The following KAZN variants were observed in gnomAD, a reference collection of about 807,000 sequenced individuals.
KAZN encodes kazrin, periplakin interacting protein.
A neutral mutation model predicts 87.4 loss-of-function variants in KAZN; 40 were observed. The observed-to-expected ratio is 0.46, with a 90% confidence interval of 0.36 to 0.60. The LOEUF is 0.60. Among genes scored for constraint, KAZN ranks in the 20% least tolerant of loss-of-function variants. KAZN has a pLI of 0.00. For missense variants in KAZN, 898 were observed against 1,073.9 expected (o/e 0.84, Z 2.29); for synonymous variants, 466 against 458.3 (o/e 1.02, Z -0.22).
At chr1:14,899,910 A>G (rs757507015) in intron 1 of KAZN, among the ~76,000 whole-genome samples, 22 of 152,346 alleles carry the variant, frequency 1.4e-4, no homozygotes, top group African/African-American at 4.8e-4. Flanking sequence ...TCCTCTGCCA[A>G]TGAAAGCTGG....
At chr1:14,801,262 G>A (rs181183460) in intron 1 of KAZN, among the ~76,000 whole-genome samples, 5 of 152,122 alleles carry the variant, frequency 3.3e-5, no homozygotes, top group South Asian at 2.1e-4. Flanking sequence ...CAAGCTCCTC[G>A]GGGAAATGTG....
chr1:14,381,644 C>T (rs1363292691), intron 2 of KAZN, among the ~76,000 whole-genome samples: 1 of 152,000 alleles, frequency 6.6e-6, no homozygotes, highest in Non-Finnish European at 1.5e-5. Context: ...GATAAAAACC[C>T]TCAAAAAACT....
intron 1 of KAZN, among the ~76,000 whole-genome samples, chr1:14,172,492 T>C (rs1480957645): frequency 2.6e-5 from 4 of 152,256 alleles, no homozygotes; most frequent in African/African-American, 9.6e-5. Context: ...CAAAAAAATA[T>C]ACTATTGGTG....
Position 14,478,278 on chromosome 1 carries a change from G to GAAGGA in KAZN, c.250-120703_250-120699dup, listed in dbSNP as rs1553178157. On this transcript the variant is annotated intron_variant, in intron 2 of 16. Coordinates refer to the KAZN transcript ENST00000636203. ...GGAAGGAAGGAAGGAAGGAAGAAAGGAAGGAAGGAAGGGTGGATGGGAGGA... is the reference window on the plus strand; with the variant it reads ...GGAAGGAAGGAAGGAAGGAAGAAAGGAAGGAAAGGAAGGAAGGGTGGATGGGAGGA... Among the ~76,000 whole-genome samples the GAAGGA allele has an allele frequency of 3.6e-3, 535 of 148,750 alleles. 5 individuals are homozygous for GAAGGA. The highest frequency in any genetic ancestry group is 0.013 in the African/African-American group (509 of 39,458).
At chr1:14,169,180 A>G (rs1405107527) in intron 1 of KAZN, among the ~76,000 whole-genome samples, 1 of 152,166 alleles carries the variant, frequency 6.6e-6, no homozygotes, top group Non-Finnish European at 1.5e-5. Flanking sequence ...GGGTCAGGGC[A>G]GGAGACGGCT....
At chr1:14,233,459 GC>G (rs1476495331) in intron 2 of KAZN, among the ~76,000 whole-genome samples, 5 of 152,156 alleles carry the variant, frequency 3.3e-5, no homozygotes, top group Non-Finnish European at 7.3e-5. Flanking sequence ...TATATTGATT[GC>G]TTGGAAGATT....
At chr1:14,182,854 A>C (rs371588551) in intron 2 of KAZN, among the ~76,000 whole-genome samples, 15 of 152,122 alleles carry the variant, frequency 9.9e-5, no homozygotes, top group African/African-American at 3.6e-4. Flanking sequence ...TGTAGATATA[A>C]CTTATCTGAA....
chr1:14,111,749 T>C (rs989737709), intron 1 of KAZN, among the ~76,000 whole-genome samples: 2 of 137,316 alleles, frequency 1.5e-5, no homozygotes, highest in Admixed American at 1.4e-4. Context: ...TCTTTTTTTT[T>C]TTTTTTTTGA....
chr1:14,186,828 C>G (rs954368172), intron 2 of KAZN, among the ~76,000 whole-genome samples: 1 of 152,158 alleles, frequency 6.6e-6, no homozygotes, highest in Non-Finnish European at 1.5e-5. Context: ...TGGCACTGCT[C>G]TAAGTTCTAG....
chr1:14,352,944 G>GA (rs1390926839), intron 2 of KAZN, among the ~76,000 whole-genome samples: 8 of 152,124 alleles, frequency 5.3e-5, no homozygotes, highest in Non-Finnish European at 1.0e-4. Context: ...ACTAGATGAA[G>GA]AAAAGGCATT....
At chr1:14,875,517 A>G (rs541199255) in intron 1 of KAZN, among the ~76,000 whole-genome samples, 126 of 151,210 alleles carry the variant, frequency 8.3e-4, no homozygotes, top group Middle Eastern at 3.4e-3. Flanking sequence ...AAAAAAAACT[A>G]TTTTCAATGA....
At chr1:14,581,219 T>C (rs1162643239) in intron 2 of KAZN, among the ~76,000 whole-genome samples, 2 of 152,180 alleles carry the variant, frequency 1.3e-5, no homozygotes, top group African/African-American at 4.8e-5. Flanking sequence ...GCATACACTC[T>C]ATCCCCAAAC....
At chr1:14,384,508 G>C (rs1429313030) in intron 2 of KAZN, among the ~76,000 whole-genome samples, 4 of 152,138 alleles carry the variant, frequency 2.6e-5, no homozygotes, top group African/African-American at 9.7e-5. Context: ...CTAATTTATT[G>C]AGAGTTTTTA....
intron 1 of KAZN, among the ~76,000 whole-genome samples, chr1:13,930,403 T>A (rs1176768359): frequency 1.3e-5 from 2 of 152,200 alleles, no homozygotes; most frequent in African/African-American, 4.8e-5. Flanking sequence ...AATAAGTGCT[T>A]CCTATAAGCC....
intron 2 of KAZN, among the ~76,000 whole-genome samples, chr1:14,398,625 G>A (rs1224577026): frequency 6.6e-6 from 1 of 152,150 alleles, no homozygotes; most frequent in Non-Finnish European, 1.5e-5. Flanking sequence ...AGCAGGAGAT[G>A]GGCTCACTTT....
intron 2 of KAZN, among the ~76,000 whole-genome samples, chr1:14,302,849 G>A (rs1654648179): frequency 6.6e-6 from 1 of 152,116 alleles, no homozygotes; most frequent in African/African-American, 2.4e-5. Context: ...GCCTTGTTTT[G>A]TTTAAGGTTG....
chr1:14,963,021 G>A (rs1664067619), intron 2 of KAZN, among the ~76,000 whole-genome samples: 1 of 150,794 alleles, frequency 6.6e-6, no homozygotes, highest in Non-Finnish European at 1.5e-5. Flanking sequence ...ATGAAACGAG[G>A]TAATGTCTGG....
In KAZN at chr1:14,884,967, G is replaced by A. The variant is rs368723566; in HGVS notation, c.227-75717G>A. Among the ~76,000 whole-genome samples, 119 of 152,310 alleles carry A rather than the reference G, an allele frequency of 7.8e-4. 4 individuals carry two copies. The South Asian group carries it at 0.023, about 30-fold the overall frequency. ...GACCCTGGCAGAGATCGAGCATCACGGAACACGTATCGTAATGCTGTGCTC... is the reference window on the plus strand; with the variant it reads ...GACCCTGGCAGAGATCGAGCATCACAGAACACGTATCGTAATGCTGTGCTC... On this transcript the variant is annotated intron_variant, in intron 1 of 14. Transcript: ENST00000376030.
intron 1 of KAZN, among the ~76,000 whole-genome samples, chr1:14,650,332 A>T (rs1261946336): frequency 6.6e-6 from 1 of 152,198 alleles, no homozygotes; most frequent in East Asian, 1.9e-4. Context: ...AGCTGGAAGG[A>T]TTGCTTGAGC....
Sources: allele counts gnomAD v4.1 joint callset (sites outside exome capture counted in the v4.1 genomes callset), GRCh38; gene constraint gnomAD v4.1.1; transcripts MANE v1.5; gene names NCBI Gene and HGNC (gene_info 2026-07-23, HGNC 2026-07-21).